Variants in DYNC1I1 observed in about 807,000 individuals in gnomAD.
DYNC1I1 encodes the protein dynein cytoplasmic 1 intermediate chain 1.
DYNC1I1 carries 43 observed loss-of-function variants against 86.6 expected under a neutral mutation model. The observed-to-expected ratio is 0.50, with a 90% CI of 0.39 to 0.64. The LOEUF (loss-of-function observed/expected upper bound fraction) is 0.64. DYNC1I1 is among the 30% of genes least tolerant of loss of function. DYNC1I1 has a pLI of 0.00. For synonymous variants in DYNC1I1, 262 were observed against 283.7 expected, an observed-to-expected ratio of 0.92 and a Z score of 0.77; for missense variants, 604 against 788.8, an observed-to-expected ratio of 0.77 and a Z score of 2.81.
chr7:96,099,825 G>A (rs1395166132), downstream of DYNC1I1, among the ~76,000 whole-genome samples: 1 of 152,114 alleles, frequency 6.6e-6, no homozygotes, highest in Non-Finnish European at 1.5e-5. Context: ...CCAGGGCAAG[G>A]TTATAAGAAG....
At chr7:95,864,485 T>G (rs772238633) in intron 5 of DYNC1I1, among the ~76,000 whole-genome samples, 23 of 152,162 alleles carry the variant, frequency 1.5e-4, no homozygotes, top group Non-Finnish European at 2.8e-4. Flanking sequence ...TCAGCCAGCT[T>G]TCCCAGCCAA....
chr7:95,863,201 A>G (rs1789934164), intron 5 of DYNC1I1, among the ~76,000 whole-genome samples: 1 of 152,226 alleles, frequency 6.6e-6, no homozygotes, highest in Non-Finnish European at 1.5e-5. Context: ...AGAATGACAT[A>G]ATGATACATG....
At chr7:96,103,533 C>G (rs763527234) in intron 16 of DYNC1I1, among the ~76,000 whole-genome samples, 1 of 152,162 alleles carries the variant, frequency 6.6e-6, no homozygotes, top group Non-Finnish European at 1.5e-5. Flanking sequence ...TTTAACTCCT[C>G]CATTCAAAGC....
At position 95,869,986 on chromosome 7, in the gene DYNC1I1, C is replaced by T. The variant is rs772404533; in HGVS notation, c.478C>T (p.His160Tyr). ...GGAGACCCAGACTCCTCTTGCCACG[C>T]ATCAGTCTGAAGGTAAACTATGTCT... ...SKETQTPLAT[H>Y]QSEEDEEDEE... Residue 160 changes from histidine to tyrosine, a missense_variant, in exon 6 of 17, where the codon CAT becomes TAT. Physicochemically the swap from His to Tyr is moderately conservative, Grantham distance 83 (BLOSUM62 2). Coordinates refer to ENST00000447467, the MANE Select transcript of DYNC1I1 (RefSeq NM_001135556.2). The T allele has an allele frequency of 6.2e-7, 1 of 1,613,422 alleles. No homozygotes were observed.
rs1403745476 is a variant in DYNC1I1 at position 95,790,192 on chromosome 7, G to A, written c.-9-14529G>A. 3.3e-5 allele frequency among the ~76,000 whole-genome samples: 5 copies of A among 152,162 alleles called. No homozygotes were observed. The East Asian group carries it at 9.7e-4, about 29-fold the overall frequency. On this transcript the variant is annotated intron_variant, in intron 1 of 16. Transcript: ENST00000447467. ...GTGACCAATTTGGCCAGGTTTGCCT[G>A]GGACTTTCCTGGTTCTAGCACTGTA...
intron 6 of DYNC1I1, among the ~76,000 whole-genome samples, chr7:95,892,088 C>T (rs369050362): frequency 6.6e-6 from 1 of 152,142 alleles, no homozygotes; most frequent in African/African-American, 2.4e-5. Flanking sequence ...CTGCCTCAGC[C>T]TCCTAAGTAG....
intron 14 of DYNC1I1, among the ~76,000 whole-genome samples, chr7:96,051,389 T>C (rs1789401309): frequency 6.6e-6 from 1 of 152,186 alleles, no homozygotes; most frequent in Non-Finnish European, 1.5e-5. Context: ...TTCAATTCCA[T>C]TATGTCGACT....
At chr7:95,846,410 G>A (rs1280613764) in intron 5 of DYNC1I1, among the ~76,000 whole-genome samples, 1 of 152,060 alleles carries the variant, frequency 6.6e-6, no homozygotes, top group Non-Finnish European at 1.5e-5. Context: ...TTCTGTTCAG[G>A]AAAAATGCTT....
At chr7:95,813,093 CTTTTT>C in intron 3 of DYNC1I1, 149 bp from the exon 4 acceptor site, 1 of 1,113,812 alleles carries the variant, frequency 9.0e-7, no homozygotes, top group South Asian at 1.9e-5. Context: ...CTTTTCTTTC[CTTTTT>C]TTTTTTTTTC....
chr7:95,924,648 T>A (rs1791694904), intron 6 of DYNC1I1, among the ~76,000 whole-genome samples: 1 of 152,202 alleles, frequency 6.6e-6, no homozygotes, highest in African/African-American at 2.4e-5. Context: ...AGAACAATTC[T>A]GAGTGTTCCT....
At chr7:96,084,163 C>T (rs1341089987) in intron 16 of DYNC1I1, among the ~76,000 whole-genome samples, 1 of 151,810 alleles carries the variant, frequency 6.6e-6, no homozygotes, top group Non-Finnish European at 1.5e-5. Flanking sequence ...CATAGGGCAC[C>T]GTGCTTAGGG....
chr7:95,858,067 C>T (rs1467162420), intron 5 of DYNC1I1, among the ~76,000 whole-genome samples: 1 of 152,132 alleles, frequency 6.6e-6, no homozygotes, highest in Non-Finnish European at 1.5e-5. Context: ...ATTTGTTAGT[C>T]TAGTTGCCTT....
intron 16 of DYNC1I1, among the ~76,000 whole-genome samples, chr7:96,089,963 T>C (rs1387672871): frequency 1.3e-5 from 2 of 152,176 alleles, no homozygotes. Flanking sequence ...GTGTAGCACA[T>C]GCTTTTGCTT....
intron 10 of DYNC1I1, among the ~76,000 whole-genome samples, chr7:96,022,240 A>G (rs1562974662): frequency 6.6e-6 from 1 of 152,130 alleles, no homozygotes; most frequent in African/African-American, 2.4e-5. Context: ...TTTGCACACT[A>G]CCTTTGTATT....
chr7:95,936,888 A>T (rs12113175), intron 6 of DYNC1I1, among the ~76,000 whole-genome samples: 4,905 of 151,038 alleles, frequency 0.032, 218 homozygotes, highest in African/African-American at 0.097. Flanking sequence ...TCATTGTAGC[A>T]TTATTCACAA....
chr7:95,826,406 G>A (rs919488640), intron 4 of DYNC1I1, among the ~76,000 whole-genome samples: 4 of 152,226 alleles, frequency 2.6e-5, no homozygotes, highest in African/African-American at 9.6e-5. Context: ...TGTGGCAGTA[G>A]TAAAAGCAGC....
intron 1 of DYNC1I1, among the ~76,000 whole-genome samples, chr7:95,787,416 G>A (rs1395131605): frequency 1.3e-5 from 2 of 152,120 alleles, no homozygotes; most frequent in Non-Finnish European, 2.9e-5. Context: ...GGGAAGGGAG[G>A]CAGAATCTAG....
At chr7:95,976,046 A>G (rs1793295695) in intron 6 of DYNC1I1, among the ~76,000 whole-genome samples, 1 of 152,202 alleles carries the variant, frequency 6.6e-6, no homozygotes, top group East Asian at 1.9e-4. Context: ...CTTAACTTTT[A>G]AAAGATTTAT....
chr7:96,004,302 C>T (rs1336613666), intron 10 of DYNC1I1, among the ~76,000 whole-genome samples: 2 of 152,112 alleles, frequency 1.3e-5, no homozygotes, highest in African/African-American at 4.8e-5. Context: ...TAATTTTTAA[C>T]TCTAATCTCC....
Sources: allele counts gnomAD v4.1 joint callset (sites outside exome capture counted in the v4.1 genomes callset), GRCh38; gene constraint gnomAD v4.1.1; transcripts MANE v1.5; gene names NCBI Gene and HGNC (gene_info 2026-07-23, HGNC 2026-07-21).